The following LCORL variants were observed in gnomAD, a reference collection of about 807,000 sequenced individuals.
LCORL encodes the protein ligand dependent nuclear receptor corepressor like.
LCORL carries 41 observed loss-of-function variants against 141.8 expected under a neutral mutation model. The observed-to-expected ratio is 0.29, with a 90% CI of 0.23 to 0.38. The LOEUF (loss-of-function observed/expected upper bound fraction) is 0.38, where lower values mean the gene tolerates loss of function less well. Ranked by LOEUF, LCORL falls within the 10% of genes least tolerant of loss-of-function variation. The pLI, the probability that LCORL is intolerant of heterozygous loss-of-function variation, is 1.00. For synonymous variants in LCORL, 618 were observed against 694.1 expected, an observed-to-expected ratio of 0.89 and a Z score of 1.72; for missense variants, 1,759 against 2,035.0, an observed-to-expected ratio of 0.86 and a Z score of 2.61.
Position 17,858,684 on chromosome 4 carries a change from C to T in LCORL, c.5603-12783G>A, listed in dbSNP as rs539325912. Among the ~76,000 whole-genome samples the T allele has an allele frequency of 4.5e-4, 69 of 151,750 alleles. No individual in the cohort carries two copies. In the South Asian group the frequency reaches 7.5e-3, roughly 17 times the overall value. Reference sequence around the variant, plus strand: ...TGGAGGTTGCGGTGAGCCAAGATCGCGCCATTGCCCTCCAGCCTAGGCAAC... The same window carrying T: ...TGGAGGTTGCGGTGAGCCAAGATCGTGCCATTGCCCTCCAGCCTAGGCAAC... On this transcript the variant is annotated intron_variant, in intron 7 of 7. Transcript: ENST00000635767.
intron 4 of LCORL, chr4:17,911,867 TG>T: frequency 4.3e-6 from 2 of 468,414 alleles, no homozygotes. Context: ...GACCTGGCCG[TG>T]GGGATGGCCG....
At chr4:17,965,395 T>TA (rs1455162573) in intron 2 of LCORL, among the ~76,000 whole-genome samples, 1 of 152,160 alleles carries the variant, frequency 6.6e-6, no homozygotes, top group Non-Finnish European at 1.5e-5. Context: ...AATGCTGAAA[T>TA]AAAACATTCA....
intron 4 of LCORL, among the ~76,000 whole-genome samples, chr4:17,931,197 C>CT (rs982809047): frequency 6.6e-6 from 1 of 152,094 alleles, no homozygotes; most frequent in Non-Finnish European, 1.5e-5. Context: ...CTATTACCCC[C>CT]TCTCCTCCTC....
At chr4:17,954,602 T>G (rs754930222) in intron 4 of LCORL, among the ~76,000 whole-genome samples, 1 of 151,950 alleles carries the variant, frequency 6.6e-6, no homozygotes, top group Non-Finnish European at 1.5e-5. Context: ...GGGGGAGAAG[T>G]AGAAACAAAA....
chr4:17,926,304 T>G (rs1280755954), intron 4 of LCORL, among the ~76,000 whole-genome samples: 2 of 148,926 alleles, frequency 1.3e-5, no homozygotes, highest in African/African-American at 5.2e-5. Context: ...AGATCCACCC[T>G]CAATCTTGGT....
chr4:17,913,582 G>A (rs760785827), intron 4 of LCORL, among the ~76,000 whole-genome samples: 8 of 152,196 alleles, frequency 5.3e-5, no homozygotes, highest in Non-Finnish European at 7.3e-5. Flanking sequence ...TTATAAGAGT[G>A]TTCTGAGAAA....
intron 1 of LCORL, chr4:18,020,716 T>C (rs2109918954): frequency 6.6e-6 from 1 of 152,294 alleles, no homozygotes; most frequent in African/African-American, 2.4e-5. Context: ...TGCAGTTGAA[T>C]GGGGATGGGA....
At chr4:17,939,578 T>C (rs1351205167) in intron 4 of LCORL, among the ~76,000 whole-genome samples, 1 of 152,046 alleles carries the variant, frequency 6.6e-6, no homozygotes, top group Non-Finnish European at 1.5e-5. Context: ...TCAGAGAAAG[T>C]AGTAAGAAGG....
intron 5 of LCORL, among the ~76,000 whole-genome samples, chr4:17,888,759 T>C (rs967341956): frequency 2.0e-5 from 3 of 152,158 alleles, no homozygotes; most frequent in Non-Finnish European, 2.9e-5. Flanking sequence ...GAGAAAGAAA[T>C]GTTTCCTCTG....
At chr4:18,009,590 A>AG (rs1723362746) in intron 1 of LCORL, among the ~76,000 whole-genome samples, 1 of 151,908 alleles carries the variant, frequency 6.6e-6, no homozygotes, top group South Asian at 2.1e-4. Context: ...CTTGAGCCTT[A>AG]ATATACCTAC....
intron 4 of LCORL, among the ~76,000 whole-genome samples, chr4:17,938,569 A>C (rs1737288550): frequency 6.6e-6 from 1 of 151,120 alleles, no homozygotes; most frequent in African/African-American, 2.4e-5. Flanking sequence ...GGCATGCACC[A>C]CCACACCCGG....
At chr4:17,930,711 A>G (rs1235604258) in intron 4 of LCORL, among the ~76,000 whole-genome samples, 3 of 152,204 alleles carry the variant, frequency 2.0e-5, no homozygotes, top group Non-Finnish European at 4.4e-5. Flanking sequence ...TTGTATTGAC[A>G]TACGTGAGAT....
intron 1 of LCORL, among the ~76,000 whole-genome samples, chr4:18,007,753 G>C (rs753017140): frequency 1.3e-5 from 2 of 152,202 alleles, no homozygotes; most frequent in Non-Finnish European, 2.9e-5. Context: ...TCTGAGGAAT[G>C]AGTAGGTCAG....
At chr4:17,942,874 C>T (rs531058454) in intron 4 of LCORL, among the ~76,000 whole-genome samples, 9 of 139,682 alleles carry the variant, frequency 6.4e-5, no homozygotes, top group African/African-American at 2.4e-4. Flanking sequence ...AGCATTACCG[C>T]CTGAGTTTGC....
At chr4:17,992,074 A>G (rs1349448805) in intron 1 of LCORL, among the ~76,000 whole-genome samples, 1 of 152,226 alleles carries the variant, frequency 6.6e-6, no homozygotes, top group African/African-American at 2.4e-5. Context: ...ATCTGCTTAT[A>G]TTAGTTCATT....
intron 4 of LCORL, among the ~76,000 whole-genome samples, chr4:17,911,472 T>C (rs1394213654): frequency 6.6e-6 from 1 of 152,220 alleles, no homozygotes; most frequent in South Asian, 2.1e-4. Context: ...CCAGTATCAG[T>C]GCAACATGAG....
chr4:17,957,475 G>A (rs1712903946), intron 4 of LCORL, among the ~76,000 whole-genome samples: 1 of 151,974 alleles, frequency 6.6e-6, no homozygotes, highest in South Asian at 2.1e-4. Flanking sequence ...AGAAGACAAA[G>A]TAGAAAGAAT....
intron 4 of LCORL, among the ~76,000 whole-genome samples, chr4:17,923,564 C>T (rs780209304): frequency 1.1e-4 from 16 of 151,956 alleles, no homozygotes; most frequent in Non-Finnish European, 5.9e-5. Flanking sequence ...GAGAATCGCT[C>T]GAACCCGGGA....
chr4:17,873,634 G>C (rs1726608928), exon 7 of LCORL: 11 of 1,233,758 alleles, frequency 8.9e-6, no homozygotes, highest in Non-Finnish European at 1.1e-5. Context: ...TCTTTAGATT[G>C]CTTTTTAAAA....
Sources: gnomAD v4.1 joint callset for allele counts (sites outside exome capture counted in the v4.1 genomes callset) on GRCh38, gnomAD v4.1.1 for gene constraint, MANE v1.5 for transcripts, NCBI Gene and HGNC (gene_info 2026-07-23, HGNC 2026-07-21) for gene names.